Variants in ZFHX3 observed in about 807,000 individuals in gnomAD.
ZFHX3 encodes the protein zinc finger homeobox protein 3.
Under a neutral mutation model 279.1 loss-of-function variants are expected in ZFHX3, and 42 were observed. The ratio of observed to expected loss-of-function variants is 0.15; its 90% confidence interval spans 0.12 to 0.19. The LOEUF is 0.19. Among genes scored for constraint, ZFHX3 ranks in the 10% least tolerant of loss-of-function variants. ZFHX3 has a pLI of 1.00. For missense variants in ZFHX3, 4,981 were observed against 4,754.0 expected (o/e 1.05, Z -1.40); for synonymous variants, 2,293 against 1,957.8 (o/e 1.17, Z -4.52).
At chr16:73,300,993 C>G (rs1339559727) in intron 4 of ZFHX3, among the ~76,000 whole-genome samples, 1 of 152,188 alleles carries the variant, frequency 6.6e-6, no homozygotes, top group East Asian at 1.9e-4. Context: ...GGACCCTCCT[C>G]CAATTCTAGA....
chr16:73,524,088 G>A (rs1862777), intron 2 of ZFHX3, among the ~76,000 whole-genome samples: 3,106 of 152,230 alleles, frequency 0.02, 105 homozygotes, highest in African/African-American at 0.071. Context: ...TCGCATAAGG[G>A]AAGGACAGTA....
intron 1 of ZFHX3, among the ~76,000 whole-genome samples, chr16:73,756,135 A>G (rs1388628656): frequency 5.3e-5 from 8 of 152,202 alleles, no homozygotes; most frequent in Non-Finnish European, 1.2e-4. Flanking sequence ...GAGTTACATG[A>G]GAAGGAAGAA....
At chr16:73,093,157 C>T (rs1966110111) in intron 8 of ZFHX3, 3 of 519,966 alleles carry the variant, frequency 5.8e-6, no homozygotes, top group South Asian at 4.2e-5. Context: ...AACCACGAGC[C>T]CTCACCTCCA....
intron 1 of ZFHX3, among the ~76,000 whole-genome samples, chr16:73,741,470 A>G (rs1597090661): frequency 6.6e-6 from 1 of 152,104 alleles, no homozygotes; most frequent in Non-Finnish European, 1.5e-5. Context: ...CCTCCCTCCC[A>G]TGCTGCACGT....
intron 1 of ZFHX3, among the ~76,000 whole-genome samples, chr16:73,057,140 A>G (rs1051084058): frequency 2.6e-5 from 4 of 152,188 alleles, no homozygotes; most frequent in African/African-American, 9.7e-5. Flanking sequence ...ACCAATAAAA[A>G]TTGTCATATT....
At chr16:73,739,567 G>A (rs1289029615) in intron 1 of ZFHX3, among the ~76,000 whole-genome samples, 1 of 152,146 alleles carries the variant, frequency 6.6e-6, no homozygotes, top group African/African-American at 2.4e-5. Flanking sequence ...GGCACACCTT[G>A]GTTGTTCCTG....
At chr16:73,154,201 C>T (rs1044079621) in intron 5 of ZFHX3, among the ~76,000 whole-genome samples, 4 of 152,198 alleles carry the variant, frequency 2.6e-5, no homozygotes, top group Non-Finnish European at 4.4e-5. Context: ...TTGGCATCCA[C>T]GTGACATGGC....
At position 72,959,945 on chromosome 16, in the gene ZFHX3, C is replaced by T. The variant is rs761080933; in HGVS notation, c.201G>A (p.Ser67=). 50 of 1,600,634 alleles carry T rather than the reference C, an allele frequency of 3.1e-5. No homozygotes were observed. Among genetic ancestry groups the T allele is most frequent in the East Asian group, 2.5e-4 (11 of 44,682 alleles). Residue 67 remains serine (S), a synonymous_variant, in exon 2 of 10, where the codon TCG becomes TCA. Coordinates refer to ENST00000268489, the MANE Select transcript of ZFHX3 (RefSeq NM_006885.4). ...TGGCGGGCTCGGAGGGGGGCCCGGC[C>T]GACGCGGTGCTCTCCGCGAGGCGCT... ...FNERLAESTA[S]AGPPSEPASK... is the part of the protein sequence containing the mutation.
chr16:73,509,607 C>T (rs148656479), intron 2 of ZFHX3, among the ~76,000 whole-genome samples: 1 of 150,850 alleles, frequency 6.6e-6, no homozygotes, highest in Non-Finnish European at 1.5e-5. Flanking sequence ...TCACTGCAAC[C>T]TCCACCCCCT....
At position 72,796,410 on chromosome 16, in the gene ZFHX3, G is replaced by C. The variant is rs773210288; in HGVS notation, c.6272C>G (p.Pro2091Arg). ...CGGCGAGAAGATGGGCAGCTCCATC[G>C]GCATGGAGAGCTGGGTGAGCGGCAC... ...PSVPLTQLSMPMELPIFSPLM... is the reference protein window; with the variant it reads ...PSVPLTQLSMRMELPIFSPLM... Residue 2091 changes from proline (P) to arginine (R), a missense_variant, in exon 9 of 10, where the codon CCG becomes CGG. By Grantham distance (103) the Pro-to-Arg change is moderately radical. This residue lies in a region of ZFHX3 where 1,751 missense variants were observed against 1,770.0 expected (regional missense o/e 0.99). Transcript: ENST00000268489. 1 of 1,612,320 alleles carries C rather than the reference G, an allele frequency of 6.2e-7. No individual in the cohort carries two copies. The highest frequency in any genetic ancestry group is 8.5e-7 in the Non-Finnish European group (1 of 1,180,010).
intron 3 of ZFHX3, among the ~76,000 whole-genome samples, chr16:73,379,376 G>A (rs75793529): frequency 0.02 from 3,072 of 152,138 alleles, 118 homozygotes; most frequent in African/African-American, 0.069. Context: ...CAATCTCAGT[G>A]CTGTATTGTG....
At chr16:73,660,431 C>A (rs2052769409) in intron 2 of ZFHX3, among the ~76,000 whole-genome samples, 1 of 152,130 alleles carries the variant, frequency 6.6e-6, no homozygotes, top group South Asian at 2.1e-4. Flanking sequence ...TCTCTGAGGG[C>A]ACAGAAGAAA....
Position 72,936,834 on chromosome 16 carries a change from G to A in ZFHX3, c.3216+13635C>T, listed in dbSNP as rs116947689. Among the ~76,000 whole-genome samples, 851 of 152,252 alleles carry A rather than the reference G, an allele frequency of 5.6e-3. 37 individuals are homozygous for A. In the South Asian group the frequency reaches 0.088, roughly 16 times the overall value. On this transcript the variant is annotated intron_variant, in intron 3 of 9. Transcript: ENST00000268489. ...TGATTTTCCTCTTCGTAAAATCCCTGTATGGAGAGGGGATTGTAAAGGGCA... is the reference window on the plus strand; with the variant it reads ...TGATTTTCCTCTTCGTAAAATCCCTATATGGAGAGGGGATTGTAAAGGGCA...
intron 2 of ZFHX3, among the ~76,000 whole-genome samples, chr16:73,478,418 G>A (rs755070531): frequency 6.6e-6 from 1 of 152,068 alleles, no homozygotes; most frequent in East Asian, 1.9e-4. Context: ...TTTTAATGCA[G>A]TAATAAATAA....
chr16:73,121,706 C>T (rs981773413), intron 7 of ZFHX3, among the ~76,000 whole-genome samples: 3 of 151,266 alleles, frequency 2.0e-5, no homozygotes, highest in African/African-American at 7.3e-5. Flanking sequence ...AGCTCTGCCT[C>T]CTGGGTTCTC....
At chr16:72,967,344 T>C (rs1457876399) in intron 1 of ZFHX3, among the ~76,000 whole-genome samples, 1 of 151,858 alleles carries the variant, frequency 6.6e-6, no homozygotes, top group African/African-American at 2.4e-5. Flanking sequence ...TAGGAGTGGG[T>C]TGGAGGGGCT....
In ZFHX3 at chr16:72,896,688, A is replaced by C. The variant is rs575363906; in HGVS notation, c.3217-6726T>G. Among the ~76,000 whole-genome samples, 3 of 152,340 alleles carry C rather than the reference A, an allele frequency of 2.0e-5. No individual in the cohort carries two copies. In the East Asian group the frequency reaches 5.8e-4, roughly 29 times the overall value. ...TGTTACTTGTTTCCCAGGGAAAACT[A>C]ACCAACTTCTGTCAGAGAACATTGA... On this transcript the variant is annotated intron_variant, in intron 3 of 9. Coordinates refer to ENST00000268489, the MANE Select transcript of ZFHX3 (RefSeq NM_006885.4).
chr16:73,018,580 AGAGT>A (rs1268328946), intron 1 of ZFHX3, among the ~76,000 whole-genome samples: 3 of 152,168 alleles, frequency 2.0e-5, no homozygotes, highest in Non-Finnish European at 4.4e-5. Flanking sequence ...GCCTGGCGAC[AGAGT>A]GAGACTCCAT....
At chr16:73,435,087 T>G (rs941659852) in intron 3 of ZFHX3, among the ~76,000 whole-genome samples, 1 of 152,170 alleles carries the variant, frequency 6.6e-6, no homozygotes, top group African/African-American at 2.4e-5. Flanking sequence ...GCTGGCTGGC[T>G]GGCATTGTGT....
Sources: gnomAD v4.1 joint callset for allele counts (sites outside exome capture counted in the v4.1 genomes callset) on GRCh38, gnomAD v4.1.1 for gene constraint, gnomAD v4.1.1 regional missense constraint, MANE v1.5 for transcripts, NCBI Gene and HGNC (gene_info 2026-07-23, HGNC 2026-07-21) for gene names.